The following KLF8 variants were observed in gnomAD, a reference collection of about 807,000 sequenced individuals.
KLF8 encodes the protein Krueppel-like factor 8.
Under a neutral mutation model 18.2 loss-of-function variants are expected in KLF8, and 10 were observed. The ratio of observed to expected loss-of-function variants is 0.55; its 90% CI spans 0.34 to 0.93. KLF8 has a LOEUF of 0.93. Ranked by LOEUF, KLF8 falls within the 40% of genes least tolerant of loss-of-function variation. KLF8 has a pLI of 0.02. For missense variants in KLF8, 264 were observed against 277.9 expected (o/e 0.95, Z 0.36); for synonymous variants, 109 against 97.3 (o/e 1.12, Z -0.71).
chrX:56,251,792 C>T (rs2066717903), intron 2 of KLF8, among the ~76,000 whole-genome samples: 1 of 110,246 alleles, frequency 9.1e-6, no homozygotes, highest in Non-Finnish European at 1.9e-5. Context: ...ACATAGTAGG[C>T]GTATATATTT....
At chrX:55,985,915 G>A in the KLF8 span, among the ~76,000 whole-genome samples, 8 of 110,774 alleles carry the variant, frequency 7.2e-5, no homozygotes, top group Non-Finnish European at 1.3e-4. Flanking sequence ...GGATTATTCA[G>A]GATTTGGCTC....
the KLF8 span, among the ~76,000 whole-genome samples, chrX:55,914,530 T>G: frequency 9.0e-6 from 1 of 111,671 alleles, no homozygotes; most frequent in Non-Finnish European, 1.9e-5. Context: ...AGGAGAGGAG[T>G]TTTGGCAAAC....
At chrX:56,113,199 G>GAA in the KLF8 span, among the ~76,000 whole-genome samples, 56 of 70,947 alleles carry the variant, frequency 7.9e-4, no homozygotes, top group African/African-American at 2.5e-3. Context: ...CTCCATCTCA[G>GAA]AAAAAAAAAA....
chrX:56,121,815 C>G, the KLF8 span, among the ~76,000 whole-genome samples: 1 of 111,726 alleles, frequency 9.0e-6, no homozygotes, highest in African/African-American at 3.3e-5. Flanking sequence ...ATAGAAAGGT[C>G]CTTATTTGAA....
chrX:56,107,009 A>G, the KLF8 span, among the ~76,000 whole-genome samples: 1 of 111,547 alleles, frequency 9.0e-6, no homozygotes, highest in South Asian at 3.8e-4. Flanking sequence ...CTGGAGGATG[A>G]CTCCAGATCC....
chrX:56,104,499 G>C, the KLF8 span, among the ~76,000 whole-genome samples: 2 of 111,723 alleles, frequency 1.8e-5, no homozygotes, highest in African/African-American at 6.5e-5. Flanking sequence ...TAGTTTATTT[G>C]CATAGAGGTG....
the KLF8 span, among the ~76,000 whole-genome samples, chrX:55,947,446 A>C: frequency 3.2e-5 from 3 of 94,783 alleles, no homozygotes; most frequent in Admixed American, 2.4e-4. Context: ...ATGAGAACAC[A>C]TGGACACAGG....
At chrX:56,136,493 A>G in the KLF8 span, among the ~76,000 whole-genome samples, 1 of 111,765 alleles carries the variant, frequency 8.9e-6, no homozygotes, top group Non-Finnish European at 1.9e-5. Flanking sequence ...GACAAAAACA[A>G]GCAATGGGGA....
the KLF8 span, among the ~76,000 whole-genome samples, chrX:55,966,646 A>G: frequency 8.9e-6 from 1 of 112,044 alleles, no homozygotes; most frequent in Non-Finnish European, 1.9e-5. Flanking sequence ...AAGTCTTCCC[A>G]AGAGGTATTG....
the KLF8 span, among the ~76,000 whole-genome samples, chrX:56,159,332 A>G: frequency 1.8e-5 from 2 of 111,907 alleles, no homozygotes; most frequent in Admixed American, 1.9e-4. Context: ...CATCAGGGAT[A>G]TTGGCCTAAA....
chrX:56,209,076 T>C, the KLF8 span, among the ~76,000 whole-genome samples: 1 of 112,047 alleles, frequency 8.9e-6, no homozygotes. Context: ...TCTCCAGCTA[T>C]GATTGCATTG....
the KLF8 span, among the ~76,000 whole-genome samples, chrX:56,145,622 T>C: frequency 8.9e-6 from 1 of 112,519 alleles, no homozygotes; most frequent in Non-Finnish European, 1.9e-5. Flanking sequence ...TATTCCGTTA[T>C]ATAGAGGAAT....
chrX:55,985,884 T>C, the KLF8 span, among the ~76,000 whole-genome samples: 1 of 111,054 alleles, frequency 9.0e-6, no homozygotes, highest in Non-Finnish European at 1.9e-5. Flanking sequence ...TTATATTCTT[T>C]TTGTGGGAAT....
At chrX:55,987,844 G>C in the KLF8 span, among the ~76,000 whole-genome samples, 1 of 111,415 alleles carries the variant, frequency 9.0e-6, no homozygotes, top group Non-Finnish European at 1.9e-5. Context: ...CTATTTCTCC[G>C]CATCCTCTCC....
At chrX:56,231,787 C>A (rs930887653), upstream of KLF8, among the ~76,000 whole-genome samples, 1 of 111,430 alleles carries the variant, frequency 9.0e-6, no homozygotes, top group Non-Finnish European at 1.9e-5. Flanking sequence ...GAACTCTATT[C>A]TTAGAGGTCT....
At chrX:55,997,331 C>T in the KLF8 span, among the ~76,000 whole-genome samples, 2 of 112,080 alleles carry the variant, frequency 1.8e-5, no homozygotes, top group Non-Finnish European at 3.8e-5. Context: ...GCACCAAACC[C>T]TCTGGGGTCT....
chrX:55,939,424 G>A, the KLF8 span, among the ~76,000 whole-genome samples: 1 of 111,014 alleles, frequency 9.0e-6, no homozygotes, highest in Non-Finnish European at 1.9e-5. Context: ...AGAGAAAACA[G>A]GAAAGATCTA....
chrX:55,970,056 G>A, the KLF8 span, among the ~76,000 whole-genome samples: 2 of 110,471 alleles, frequency 1.8e-5, no homozygotes, highest in African/African-American at 6.6e-5. Context: ...ATAAAGGATG[G>A]AATACTTTCA....
At chrX:56,199,476 A>G in the KLF8 span, among the ~76,000 whole-genome samples, 22 of 112,390 alleles carry the variant, frequency 2.0e-4, no homozygotes, top group Non-Finnish European at 3.8e-4. Context: ...CAGCCTACAG[A>G]CACATGAAAA....
Sources: gnomAD v4.1 joint callset for allele counts (sites outside exome capture counted in the v4.1 genomes callset) on GRCh38, gnomAD v4.1.1 for gene constraint, MANE v1.5 for transcripts, NCBI Gene and HGNC (gene_info 2026-07-23, HGNC 2026-07-21) for gene names.